Variants in TBXAS1 observed in about 807,000 individuals in gnomAD.
TBXAS1 encodes the protein thromboxane-A synthase.
Under a neutral mutation model 60.7 loss-of-function variants are expected in TBXAS1, and 48 were observed. That is an observed-to-expected ratio of 0.79 (90% CI 0.63 to 1.01). The LOEUF is 1.01. Among genes scored for constraint, TBXAS1 ranks in the 50% least tolerant of loss-of-function variants. TBXAS1 has a pLI of 0.00. For synonymous variants in TBXAS1, 287 were observed against 269.7 expected (o/e 1.06, Z -0.63); for missense variants, 685 against 686.3 (o/e 1.00, Z 0.02).
At chr7:139,980,169 C>A (rs1276955426) in intron 9 of TBXAS1, among the ~76,000 whole-genome samples, 4 of 152,172 alleles carry the variant, frequency 2.6e-5, no homozygotes, top group African/African-American at 4.8e-5. Context: ...TTTAGCAAAA[C>A]AAATCCTGCT....
chr7:139,858,606 G>A (rs921190451), intron 1 of TBXAS1, among the ~76,000 whole-genome samples: 9 of 152,196 alleles, frequency 5.9e-5, no homozygotes, highest in Non-Finnish European at 1.2e-4. Context: ...CATGGTCCCT[G>A]CAGCATCCTG....
intron 9 of TBXAS1, among the ~76,000 whole-genome samples, chr7:140,001,942 T>A (rs1307814687): frequency 1.3e-5 from 2 of 152,182 alleles, no homozygotes; most frequent in African/African-American, 4.8e-5. Flanking sequence ...ATCCCAAATG[T>A]GGGAGATGTG....
At chr7:139,801,765 CATTATT>C (rs1239519484) in intron 4 of TBXAS1, among the ~76,000 whole-genome samples, 6 of 151,776 alleles carry the variant, frequency 4.0e-5, no homozygotes, top group African/African-American at 1.5e-4. Flanking sequence ...TCTTCCATGT[CATTATT>C]ATTATTATTT....
chr7:139,895,591 A>T (rs1040641357), intron 3 of TBXAS1, among the ~76,000 whole-genome samples: 7 of 152,238 alleles, frequency 4.6e-5, no homozygotes, highest in African/African-American at 1.4e-4. Context: ...TGAAGGAGCT[A>T]ACAGCTGGAG....
intron 4 of TBXAS1, among the ~76,000 whole-genome samples, chr7:139,805,712 T>TTCTTTTCTCTCTC (rs753031062): frequency 4.5e-5 from 2 of 44,318 alleles, no homozygotes; most frequent in East Asian, 7.0e-4. Flanking sequence ...CTTTCTTTCT[T>TTCTTTTCTCTCTC]TCTCTCTCTC....
intron 3 of TBXAS1, among the ~76,000 whole-genome samples, chr7:139,784,904 G>GA (rs1797139067): frequency 2.3e-5 from 3 of 129,066 alleles, no homozygotes; most frequent in African/African-American, 9.5e-5. Context: ...TGATCCATAG[G>GA]AGGTGAGATC....
At chr7:139,985,728 C>A (rs1812404391) in intron 9 of TBXAS1, among the ~76,000 whole-genome samples, 1 of 152,256 alleles carries the variant, frequency 6.6e-6, no homozygotes, top group African/African-American at 2.4e-5. Context: ...CTCCACTAGA[C>A]TGGAAGCTCC....
upstream of TBXAS1, among the ~76,000 whole-genome samples, chr7:139,826,211 G>A (rs947648777): frequency 2.0e-5 from 3 of 152,088 alleles, no homozygotes; most frequent in Non-Finnish European, 4.4e-5. Flanking sequence ...TGGAAAAAAC[G>A]AAGCTCTGTT....
chr7:139,922,472 GC>G (rs1266549406), intron 4 of TBXAS1, among the ~76,000 whole-genome samples: 1 of 151,586 alleles, frequency 6.6e-6, no homozygotes, highest in Non-Finnish European at 1.5e-5. Flanking sequence ...TTGAGTCTTT[GC>G]CCCCTCCCCC....
At chr7:139,951,932 AG>A (rs1809370449) in intron 5 of TBXAS1, among the ~76,000 whole-genome samples, 4 of 62,628 alleles carry the variant, frequency 6.4e-5, no homozygotes, top group Admixed American at 2.0e-4. Flanking sequence ...AAAGAAAGAG[AG>A]AAAGAAGGAA....
At chr7:139,787,040 T>C (rs188058509) in intron 3 of TBXAS1, among the ~76,000 whole-genome samples, 109 of 152,348 alleles carry the variant, frequency 7.2e-4, no homozygotes, top group African/African-American at 2.5e-3. Context: ...TAACAGCATC[T>C]TAGTCATTTT....
At chr7:139,922,927 G>A (rs1806589357) in intron 4 of TBXAS1, among the ~76,000 whole-genome samples, 1 of 152,178 alleles carries the variant, frequency 6.6e-6, no homozygotes, top group Non-Finnish European at 1.5e-5. Context: ...GATCATATGT[G>A]TGAGTCTACT....
At chr7:140,012,509 T>TA (rs1197140341) in intron 10 of TBXAS1, among the ~76,000 whole-genome samples, 4 of 150,666 alleles carry the variant, frequency 2.7e-5, no homozygotes, top group Admixed American at 2.6e-4. Flanking sequence ...GTCGCTCAGG[T>TA]GTACAGTGGT....
intron 4 of TBXAS1, among the ~76,000 whole-genome samples, chr7:139,805,681 TC>T (rs1267719318): frequency 6.6e-5 from 2 of 30,394 alleles, no homozygotes; most frequent in Non-Finnish European, 1.2e-4. Context: ...TTTCTTTCTT[TC>T]TTTCTTTCTT....
rs1311658584 is a variant in TBXAS1, at chr7:139,896,437, T to C, written c.237-14788T>C. On this transcript the variant is annotated intron_variant, in intron 3 of 12. Transcript: ENST00000448866. The surrounding 1 kb of genome is among the most constrained non-coding windows in gnomAD (Gnocchi z 4.0). Reference sequence around the variant, plus strand: ...CATCTGGGGAACCATAAATAACTTTTTCACAGCAAGAATGAAAGGCTGTGG... The same window carrying C: ...CATCTGGGGAACCATAAATAACTTTCTCACAGCAAGAATGAAAGGCTGTGG... 6.6e-6 allele frequency among the ~76,000 whole-genome samples: 1 copy of C among 152,118 alleles called. No homozygotes were observed. Among genetic ancestry groups the C allele is most frequent in the Non-Finnish European group, 1.5e-5 (1 of 68,020 alleles).
intron 4 of TBXAS1, among the ~76,000 whole-genome samples, chr7:139,923,176 A>ATATATATATATATATAT (rs1554490812): frequency 2.6e-5 from 4 of 152,002 alleles, no homozygotes; most frequent in Admixed American, 1.3e-4. Flanking sequence ...ATATATATAT[A>ATATATATATATATATAT]ATTAGCCAGG....
At chr7:139,959,040 C>T (rs951027751) in intron 8 of TBXAS1, among the ~76,000 whole-genome samples, 23 of 152,082 alleles carry the variant, frequency 1.5e-4, no homozygotes, top group Middle Eastern at 3.4e-3. Flanking sequence ...CACACACACG[C>T]ATCCCTAGCC....
At chr7:139,859,629 C>G (rs558437909) in intron 1 of TBXAS1, among the ~76,000 whole-genome samples, 49 of 152,228 alleles carry the variant, frequency 3.2e-4, no homozygotes, top group African/African-American at 1.1e-3. Context: ...AGTAAATGTA[C>G]AGGCAACTTG....
In TBXAS1 at chr7:139,853,606, CT is replaced by C. The variant is rs369948329; in HGVS notation, c.90-18625del. 1.2e-4 allele frequency among the ~76,000 whole-genome samples: 18 copies of C among 152,238 alleles called. No homozygotes were observed. In the South Asian group the frequency reaches 3.7e-3, roughly 32 times the overall value. ...ACAGGAAGCATCCTGTAACTGTTTC[CT>C]TTTATTACGCAGGATCCAGAGGCAG... On this transcript the variant is annotated intron_variant, in intron 1 of 12. Coordinates refer to ENST00000448866, the MANE Select transcript of TBXAS1 (RefSeq NM_001061.7).
Sources: gnomAD v4.1 joint callset for allele counts (sites outside exome capture counted in the v4.1 genomes callset) on GRCh38, gnomAD v4.1.1 for gene constraint, Gnocchi (gnomAD v3.1) non-coding constraint, MANE v1.5 for transcripts, NCBI Gene and HGNC (gene_info 2026-07-23, HGNC 2026-07-21) for gene names.